Variants in KIF6 observed in about 807,000 individuals in gnomAD.
KIF6 encodes kinesin-like protein KIF6.
KIF6 carries 106 observed loss-of-function variants against 112.7 expected under a neutral mutation model. That is an observed-to-expected ratio of 0.94 (90% CI 0.80 to 1.11). KIF6 has a LOEUF of 1.11. Ranked by LOEUF, KIF6 falls within the 50% of genes least tolerant of loss-of-function variation. The probability of loss-of-function intolerance (pLI) is 0.00; values close to 1 mark genes in which losing one functional copy is unlikely to be tolerated. For synonymous variants in KIF6, 339 were observed against 339.9 expected (o/e 1.00, Z 0.03); for missense variants, 929 against 964.0 (o/e 0.96, Z 0.48).
At chr6:39,644,605 A>G (rs112380661) in intron 3 of KIF6, among the ~76,000 whole-genome samples, 2,810 of 149,830 alleles carry the variant, frequency 0.019, 42 homozygotes, top group Middle Eastern at 0.045. Flanking sequence ...GTTCAGGATA[A>G]GAAAATTCCA....
At chr6:39,435,078 A>C (rs1232189262) in intron 13 of KIF6, among the ~76,000 whole-genome samples, 26 of 152,184 alleles carry the variant, frequency 1.7e-4, no homozygotes, top group Admixed American at 1.6e-3. Context: ...GGGGTGAAAA[A>C]TGCCCAGCTT....
chr6:39,503,860 AAAAAG>A (rs1275887805), intron 13 of KIF6, among the ~76,000 whole-genome samples: 2 of 144,144 alleles, frequency 1.4e-5, no homozygotes, highest in Non-Finnish European at 3.2e-5. Flanking sequence ...AAAAAAAAAA[AAAAAG>A]AAAAAAGAAA....
chr6:39,445,928 A>G (rs1772280607), intron 13 of KIF6, among the ~76,000 whole-genome samples: 1 of 152,220 alleles, frequency 6.6e-6, no homozygotes, highest in East Asian at 1.9e-4. Context: ...TGCACCCTCA[A>G]CCAGTTCCCT....
At chr6:39,468,002 A>G (rs535284180) in intron 13 of KIF6, among the ~76,000 whole-genome samples, 2 of 152,368 alleles carry the variant, frequency 1.3e-5, no homozygotes, top group South Asian at 4.1e-4. Flanking sequence ...AATAGAGACT[A>G]TCAATAAAGA....
rs544172777 is a variant in KIF6, at chr6:39,541,421, G to A, written c.1427-1200C>T. Among the ~76,000 whole-genome samples, 194 of 152,296 alleles carry A rather than the reference G, an allele frequency of 1.3e-3. 1 individual carries two copies. Among genetic ancestry groups the A allele is most frequent in the African/African-American group, 4.5e-3 (188 of 41,570 alleles). On this transcript the variant is annotated intron_variant, in intron 12 of 22. Transcript: ENST00000287152. ...GAAGAACAGGGCTCTGGCCGAACAC[G>A]CTGCTCCTCTTTGTATGGAACTGAT...
chr6:39,594,111 T>C (rs946385687), intron 7 of KIF6, among the ~76,000 whole-genome samples: 3 of 151,940 alleles, frequency 2.0e-5, no homozygotes, highest in Non-Finnish European at 4.4e-5. Context: ...CCCCCAAGAC[T>C]ACTCACACGA....
chr6:39,626,086 G>A lies in KIF6; in HGVS notation c.509+8763C>T, dbSNP rs1230507128. Among the ~76,000 whole-genome samples, 3 of 152,108 alleles carry A rather than the reference G, an allele frequency of 2.0e-5. No individual in the cohort carries two copies. In the East Asian group the frequency reaches 5.8e-4, roughly 29 times the overall value. On this transcript the variant is annotated intron_variant, in intron 5 of 22. Transcript: ENST00000287152. ...GCAGGCTGAGGGCCCAGCTGAGGTTGGAGACCATAATGTGGTGGAGCCTAC... is the reference window on the plus strand; with the variant it reads ...GCAGGCTGAGGGCCCAGCTGAGGTTAGAGACCATAATGTGGTGGAGCCTAC...
chr6:39,490,871 A>G (rs923210229), intron 13 of KIF6, among the ~76,000 whole-genome samples: 1 of 152,190 alleles, frequency 6.6e-6, no homozygotes, highest in Admixed American at 6.5e-5. Context: ...TAACGAACTG[A>G]GTAATAATAA....
Position 39,639,597 on chromosome 6 carries a change from A to T in KIF6, c.399+13T>A. ...TATCAAATACAAAATGATATGAACG[A>T]AAAGTTTCATACCTTTTGTAACTGT... On this transcript the variant is annotated intron_variant, in intron 4 of 22. Transcript: ENST00000287152. 4 of 1,539,600 alleles carry T rather than the reference A, an allele frequency of 2.6e-6. No individual in the cohort carries two copies. Among genetic ancestry groups the T allele is most frequent in the Non-Finnish European group, 3.5e-6 (4 of 1,146,430 alleles).
intron 9 of KIF6, among the ~76,000 whole-genome samples, chr6:39,578,536 T>C (rs1320907938): frequency 6.6e-6 from 1 of 152,092 alleles, no homozygotes; most frequent in Non-Finnish European, 1.5e-5. Flanking sequence ...TTTTACCATG[T>C]TAGCCAGGAT....
At chr6:39,603,439 A>G (rs1782691025) in intron 6 of KIF6, among the ~76,000 whole-genome samples, 1 of 151,974 alleles carries the variant, frequency 6.6e-6, no homozygotes, top group South Asian at 2.1e-4. Flanking sequence ...ATGGTAAAAA[A>G]CCTCAAATCT....
At chr6:39,447,975 C>T (rs151327047) in intron 13 of KIF6, among the ~76,000 whole-genome samples, 11 of 152,254 alleles carry the variant, frequency 7.2e-5, no homozygotes, top group African/African-American at 2.2e-4. Flanking sequence ...TACTGGTCAG[C>T]GGGCTGTGAG....
intron 3 of KIF6, among the ~76,000 whole-genome samples, chr6:39,681,945 AT>A (rs887071122): frequency 4.9e-5 from 7 of 142,948 alleles, no homozygotes; most frequent in Middle Eastern, 3.5e-3. Context: ...AAAATTCACC[AT>A]TTTTTTCTTT....
chr6:39,706,681 C>T (rs145464691), intron 3 of KIF6, among the ~76,000 whole-genome samples: 79 of 152,242 alleles, frequency 5.2e-4, no homozygotes, highest in African/African-American at 1.5e-3. Flanking sequence ...TTATAAACAA[C>T]GCATCTGGCA....
rs576299393 is a variant in KIF6, at chr6:39,579,001, AT to A, written c.1078-843del. 3.3e-5 allele frequency among the ~76,000 whole-genome samples: 5 copies of A among 152,310 alleles called. No individual in the cohort carries two copies. In the South Asian group the frequency reaches 1.0e-3, roughly 32 times the overall value. On this transcript the variant is annotated intron_variant, in intron 9 of 22. Coordinates refer to ENST00000287152, the MANE Select transcript of KIF6 (RefSeq NM_145027.6). The stretch of plus-strand genomic sequence containing the variant: ...ATCTATTTGTCTCCTGTTGATGAAC[AT>A]TTAGGATTTTTACTTTTGCTATTAC...
intron 3 of KIF6, among the ~76,000 whole-genome samples, chr6:39,663,850 G>A (rs565470926): frequency 2.0e-5 from 3 of 151,968 alleles, no homozygotes; most frequent in African/African-American, 7.2e-5. Flanking sequence ...AGAGAATGAA[G>A]GTGTGGCAGA....
At chr6:39,528,231 G>C (rs1232532129) in intron 13 of KIF6, among the ~76,000 whole-genome samples, 1 of 151,986 alleles carries the variant, frequency 6.6e-6, no homozygotes, top group East Asian at 1.9e-4. Flanking sequence ...TCTGTGCCTG[G>C]CTTATTTCAA....
chr6:39,505,266 A>G (rs1377088474), intron 13 of KIF6, among the ~76,000 whole-genome samples: 1 of 152,258 alleles, frequency 6.6e-6, no homozygotes, highest in Non-Finnish European at 1.5e-5. Context: ...TCCCTACTTA[A>G]TAAATGGTGC....
intron 3 of KIF6, among the ~76,000 whole-genome samples, chr6:39,692,033 T>C (rs1788241664): frequency 6.6e-6 from 1 of 152,196 alleles, no homozygotes; most frequent in African/African-American, 2.4e-5. Flanking sequence ...ATTTGGAAGA[T>C]ACTACTCCAG....
Sources: allele counts gnomAD v4.1 joint callset (sites outside exome capture counted in the v4.1 genomes callset), GRCh38; gene constraint gnomAD v4.1.1; transcripts MANE v1.5; gene names NCBI Gene and HGNC (gene_info 2026-07-23, HGNC 2026-07-21).